RBPJ: variants seen among roughly 807,000 people sequenced by gnomAD.
The protein encoded by RBPJ is recombination signal binding protein for immunoglobulin kappa J region, also known as recombining binding protein suppressor of hairless.
Under a neutral mutation model 67.8 loss-of-function variants are expected in RBPJ, and 9 were observed. The observed-to-expected ratio is 0.13, with a 90% CI of 0.08 to 0.23. The LOEUF (loss-of-function observed/expected upper bound fraction) is 0.23, where lower values mean the gene tolerates loss of function less well. RBPJ is among the 10% of genes least tolerant of loss of function. The pLI, the probability that RBPJ is intolerant of heterozygous loss-of-function variation, is 1.00. For synonymous variants in RBPJ, 198 were observed against 203.3 expected (o/e 0.97, Z 0.22); for missense variants, 305 against 595.6 (o/e 0.51, Z 5.08).
At chr4:26,157,094 C>CAAAAA in the RBPJ span, among the ~76,000 whole-genome samples, 5 of 27,456 alleles carry the variant, frequency 1.8e-4, no homozygotes, top group Admixed American at 3.5e-4. Context: ...AACAAACAAA[C>CAAAAA]AAACAAAAAC....
chr4:26,346,293 CG>C (rs938720288), intron 1 of RBPJ, among the ~76,000 whole-genome samples: 3 of 152,070 alleles, frequency 2.0e-5, no homozygotes, highest in African/African-American at 7.2e-5. Context: ...CTGGCGACTG[CG>C]GATGTACTGG....
At chr4:26,123,831 T>A in the RBPJ span, among the ~76,000 whole-genome samples, 4 of 151,924 alleles carry the variant, frequency 2.6e-5, no homozygotes, top group Non-Finnish European at 5.9e-5. Flanking sequence ...CTTGTTCCAC[T>A]GGAAGGTCTT....
At chr4:26,161,450 C>T (rs1178920719), upstream of RBPJ, among the ~76,000 whole-genome samples, 4 of 152,186 alleles carry the variant, frequency 2.6e-5, no homozygotes, top group Non-Finnish European at 5.9e-5. Flanking sequence ...AAGACTAGGG[C>T]ACTGTGAGGC....
chr4:26,401,530 G>A (rs1056215130), intron 2 of RBPJ, among the ~76,000 whole-genome samples: 1 of 152,212 alleles, frequency 6.6e-6, no homozygotes. Context: ...TTTGTAGAAA[G>A]CATTTGTGAC....
intron 1 of RBPJ, among the ~76,000 whole-genome samples, chr4:26,182,701 G>T (rs1334459212): frequency 6.6e-6 from 1 of 151,656 alleles, no homozygotes; most frequent in Admixed American, 6.6e-5. Flanking sequence ...GTCTCATTAT[G>T]TTACCCAGAC....
intron 1 of RBPJ, chr4:26,272,631 C>T (rs897706816): frequency 3.8e-5 from 17 of 444,758 alleles, no homozygotes; most frequent in Non-Finnish European, 6.8e-5. Flanking sequence ...GATTTGGTTG[C>T]AGATGAACTT....
the RBPJ span, among the ~76,000 whole-genome samples, chr4:26,150,620 G>T: frequency 2.6e-5 from 4 of 152,196 alleles, no homozygotes; most frequent in African/African-American, 7.2e-5. Context: ...AGGGATTGTT[G>T]TAACAGTCTC....
At chr4:26,414,106 A>T (rs926976234) in intron 3 of RBPJ, among the ~76,000 whole-genome samples, 1 of 152,168 alleles carries the variant, frequency 6.6e-6, no homozygotes, top group African/African-American at 2.4e-5. Context: ...TGAGAATGAC[A>T]ATGGAGGCTG....
At chr4:26,150,353 G>T in the RBPJ span, among the ~76,000 whole-genome samples, 1 of 152,186 alleles carries the variant, frequency 6.6e-6, no homozygotes, top group Admixed American at 6.5e-5. Context: ...CTTCAGGGCA[G>T]AGTCACAGTG....
chr4:26,393,782 A>C (rs1438261893), intron 2 of RBPJ, among the ~76,000 whole-genome samples: 1 of 152,102 alleles, frequency 6.6e-6, no homozygotes, highest in African/African-American at 2.4e-5. Flanking sequence ...GAAATATTTT[A>C]ACATTTTTTC....
At chr4:26,209,605 C>CTCCCTCCCTTCCTCCTTCCCTG (rs1718298989) in intron 1 of RBPJ, among the ~76,000 whole-genome samples, 1 of 70,790 alleles carries the variant, frequency 1.4e-5, no homozygotes, top group African/African-American at 4.9e-5. Flanking sequence ...CTCCTTCCCT[C>CTCCCTCCCTTCCTCCTTCCCTG]TCTCCCTCCC....
chr4:26,321,133 G>A (rs1206368558), intron 1 of RBPJ, 85 bp downstream of exon 1: 32 of 1,165,694 alleles, frequency 2.7e-5, no homozygotes, highest in Non-Finnish European at 3.3e-5. Flanking sequence ...TTCGGGGGCC[G>A]CGGCGCGCTT....
chr4:26,283,834 CAG>C (rs1159163754), intron 1 of RBPJ, among the ~76,000 whole-genome samples: 2 of 151,998 alleles, frequency 1.3e-5, no homozygotes, highest in Non-Finnish European at 2.9e-5. Flanking sequence ...TTAGTAGAGA[CAG>C]AGTTTCACAA....
chr4:26,276,495 T>A (rs1236055587), intron 1 of RBPJ, among the ~76,000 whole-genome samples: 1 of 152,160 alleles, frequency 6.6e-6, no homozygotes, highest in African/African-American at 2.4e-5. Context: ...AATCGCCTCC[T>A]TGAAAAAAAC....
intron 1 of RBPJ, among the ~76,000 whole-genome samples, chr4:26,349,273 T>C (rs1482047482): frequency 6.6e-6 from 1 of 152,096 alleles, no homozygotes; most frequent in Non-Finnish European, 1.5e-5. Context: ...TGTCTCGCTA[T>C]GTTGCCCAGG....
the RBPJ span, among the ~76,000 whole-genome samples, chr4:26,152,878 C>A: frequency 6.6e-6 from 1 of 152,156 alleles, no homozygotes; most frequent in African/African-American, 2.4e-5. Context: ...AGTTTATGAC[C>A]AATCATCTAA....
At chr4:26,294,855 G>A (rs1179024873) in intron 1 of RBPJ, among the ~76,000 whole-genome samples, 1 of 149,718 alleles carries the variant, frequency 6.7e-6, no homozygotes, top group African/African-American at 2.5e-5. Flanking sequence ...CAGCCTGGGA[G>A]ACACAGCAAG....
At chr4:26,298,428 C>G (rs1721958050) in intron 1 of RBPJ, among the ~76,000 whole-genome samples, 1 of 152,080 alleles carries the variant, frequency 6.6e-6, no homozygotes, top group African/African-American at 2.4e-5. Context: ...TAGCATAGCA[C>G]AAATAATCAG....
the RBPJ span, among the ~76,000 whole-genome samples, chr4:26,108,498 C>T: frequency 6.6e-6 from 1 of 152,158 alleles, no homozygotes; most frequent in African/African-American, 2.4e-5. Flanking sequence ...TGCGCTAGAG[C>T]CAGGTTGCCT....
Sources: gnomAD v4.1 joint callset for allele counts (sites outside exome capture counted in the v4.1 genomes callset) on GRCh38, gnomAD v4.1.1 for gene constraint, MANE v1.5 for transcripts, NCBI Gene and HGNC (gene_info 2026-07-23, HGNC 2026-07-21) for gene names.